The following USP32 variants were observed in gnomAD, a reference collection of about 807,000 sequenced individuals.
The protein encoded by USP32 is ubiquitin carboxyl-terminal hydrolase 32.
Under a neutral mutation model 204.8 loss-of-function variants are expected in USP32, and 59 were observed. That is an observed-to-expected ratio of 0.29 (90% CI 0.23 to 0.36). USP32 has a LOEUF of 0.36. USP32 is among the 10% of genes least tolerant of loss of function. The pLI is 1.00. For missense variants in USP32, 1,160 were observed against 1,946.4 expected, an observed-to-expected ratio of 0.60 and a Z score of 7.60; for synonymous variants, 517 against 678.4, an observed-to-expected ratio of 0.76 and a Z score of 3.70.
chr17:60,250,719 G>A (rs1195659809), intron 11 of USP32, among the ~76,000 whole-genome samples: 1 of 152,096 alleles, frequency 6.6e-6, no homozygotes, highest in East Asian at 1.9e-4. Context: ...AGAGGCTGAA[G>A]TGGAAGGATC....
intron 4 of USP32, 140 bp downstream of exon 4, chr17:60,294,543 A>C: frequency 1.8e-6 from 1 of 541,444 alleles, no homozygotes. Flanking sequence ...ATAGCACATA[A>C]ATGGAAACAT....
At chr17:60,256,469 T>C (rs1412784441) in intron 9 of USP32, among the ~76,000 whole-genome samples, 1 of 152,212 alleles carries the variant, frequency 6.6e-6, no homozygotes, top group East Asian at 1.9e-4. Context: ...GCAGAGGTCC[T>C]TGAATAATGT....
intron 9 of USP32, among the ~76,000 whole-genome samples, chr17:60,261,185 A>T (rs549297944): frequency 6.6e-6 from 1 of 152,346 alleles, no homozygotes; most frequent in East Asian, 1.9e-4. Flanking sequence ...TTCTGCACTG[A>T]TGACAAAATT....
chr17:60,307,087 AT>A (rs907203390), intron 2 of USP32, among the ~76,000 whole-genome samples: 24 of 151,194 alleles, frequency 1.6e-4, no homozygotes, highest in Admixed American at 2.6e-4. Flanking sequence ...GGAATAATTA[AT>A]TTTTTTTCCT....
chr17:60,411,907 T>C (rs1022305453), intron 1 of USP32, among the ~76,000 whole-genome samples: 1 of 152,186 alleles, frequency 6.6e-6, no homozygotes, highest in African/African-American at 2.4e-5. Flanking sequence ...TTGGGTTGTT[T>C]CCACTTTTTG....
intron 1 of USP32, 121 bp from the exon 2 acceptor site, chr17:60,345,729 C>G: frequency 7.6e-7 from 1 of 1,307,352 alleles, no homozygotes; most frequent in South Asian, 1.2e-5. Flanking sequence ...CGCCTATAAT[C>G]CCAGTACTTT....
At chr17:60,210,197 C>G (rs2084924642) in intron 21 of USP32, among the ~76,000 whole-genome samples, 1 of 151,952 alleles carries the variant, frequency 6.6e-6, no homozygotes, top group Non-Finnish European at 1.5e-5. Flanking sequence ...ATATAAAAAG[C>G]TTTTGCTTTG....
chr17:60,373,594 C>T (rs548000943), intron 1 of USP32, among the ~76,000 whole-genome samples: 33 of 151,972 alleles, frequency 2.2e-4, no homozygotes, highest in Admixed American at 9.8e-4. Flanking sequence ...GGATTACAGG[C>T]GTGCACCACC....
rs765245739 is a variant in USP32, at chr17:60,190,702, T to C, written c.3522-19A>G. 2 of 1,581,714 alleles carry C rather than the reference T, an allele frequency of 1.3e-6. No individual in the cohort carries two copies. The highest frequency in any genetic ancestry group is 2.3e-5 in the East Asian group (1 of 43,880). On this transcript the variant is annotated intron_variant, in intron 28 of 33. Transcript: ENST00000300896. Reference sequence around the variant, plus strand: ...GCAAAATCTAAAAAGGGGGAAAAGATCCACAGAGGAAGAAATAATTATGAA... The same window carrying C: ...GCAAAATCTAAAAAGGGGGAAAAGACCCACAGAGGAAGAAATAATTATGAA...
intron 12 of USP32, among the ~76,000 whole-genome samples, chr17:60,226,975 T>C (rs1003842725): frequency 6.8e-6 from 1 of 146,128 alleles, no homozygotes; most frequent in Admixed American, 6.9e-5. Context: ...ACCCGGGAGG[T>C]TGCAGTAAGC....
chr17:60,317,939 G>A (rs1013703345), intron 2 of USP32, among the ~76,000 whole-genome samples: 2 of 151,996 alleles, frequency 1.3e-5, no homozygotes, highest in Middle Eastern at 3.4e-3. Flanking sequence ...AAGCTGAGAT[G>A]GTGCCACTGC....
At chr17:60,356,372 T>C (rs1039630693) in intron 1 of USP32, among the ~76,000 whole-genome samples, 1 of 152,150 alleles carries the variant, frequency 6.6e-6, no homozygotes, top group African/African-American at 2.4e-5. Context: ...GAGCTGTGCA[T>C]GTGCCCCAAA....
chr17:60,286,698 C>T (rs571416759), intron 5 of USP32, among the ~76,000 whole-genome samples: 1 of 152,268 alleles, frequency 6.6e-6, no homozygotes, highest in East Asian at 1.9e-4. Context: ...TGTTTGATTT[C>T]CCTATAGCAA....
At chr17:60,246,694 C>T (rs1371807007) in intron 11 of USP32, among the ~76,000 whole-genome samples, 1 of 152,180 alleles carries the variant, frequency 6.6e-6, no homozygotes, top group Non-Finnish European at 1.5e-5. Flanking sequence ...TTCACATCCT[C>T]ATCAGAATCA....
At chr17:60,408,460 C>A (rs1198787985) in intron 1 of USP32, among the ~76,000 whole-genome samples, 1 of 151,922 alleles carries the variant, frequency 6.6e-6, no homozygotes, top group Non-Finnish European at 1.5e-5. Context: ...TCACTGCAAG[C>A]TCTGCCTCCC....
intron 7 of USP32, among the ~76,000 whole-genome samples, chr17:60,266,507 G>A (rs1488307435): frequency 6.6e-6 from 1 of 152,118 alleles, no homozygotes; most frequent in Admixed American, 6.5e-5. Flanking sequence ...TTGTTTGTTG[G>A]AGATGGAGTC....
chr17:60,192,479 G>A (rs558789665), intron 28 of USP32, among the ~76,000 whole-genome samples: 10 of 152,202 alleles, frequency 6.6e-5, no homozygotes, highest in Non-Finnish European at 1.3e-4. Flanking sequence ...CTTGTTGCCC[G>A]GCTGGAGTGC....
At chr17:60,342,307 A>G (rs1567862711) in intron 2 of USP32, among the ~76,000 whole-genome samples, 1 of 152,140 alleles carries the variant, frequency 6.6e-6, no homozygotes, top group African/African-American at 2.4e-5. Flanking sequence ...GCTTCTTCCC[A>G]AAGGGGCACC....
intron 12 of USP32, among the ~76,000 whole-genome samples, chr17:60,234,135 A>G (rs2085648530): frequency 6.9e-6 from 1 of 145,792 alleles, no homozygotes. Context: ...TTTTTTTGAG[A>G]TGGAGTCTTG....
Sources: allele counts gnomAD v4.1 joint callset (sites outside exome capture counted in the v4.1 genomes callset), GRCh38; gene constraint gnomAD v4.1.1; transcripts MANE v1.5; gene names NCBI Gene and HGNC (gene_info 2026-07-23, HGNC 2026-07-21).